Variants in IDE observed in about 807,000 individuals in gnomAD.
IDE encodes the protein insulin-degrading enzyme.
IDE carries 58 observed loss-of-function variants against 133.2 expected under a neutral mutation model. The observed-to-expected ratio is 0.44, with a 90% CI of 0.35 to 0.54. IDE has a LOEUF of 0.54. IDE is among the 20% of genes least tolerant of loss of function. The pLI, the probability that IDE is intolerant of heterozygous loss-of-function variation, is 0.00. For missense variants in IDE, 981 were observed against 1,234.0 expected (o/e 0.79, Z 3.07); for synonymous variants, 396 against 421.3 (o/e 0.94, Z 0.73).
chr10:92,478,774 A>G, intron 15 of IDE: 1 of 1,241,172 alleles, frequency 8.1e-7, no homozygotes, highest in Non-Finnish European at 1.0e-6. Context: ...GGAGAGGATC[A>G]GCATAAATGT....
rs769365575 is a variant in IDE, at chr10:92,508,741, T to C, written c.1047A>G (p.Glu349=). 3.1e-6 allele frequency: 5 copies of C among 1,614,040 alleles called. No homozygotes were observed. Among genetic ancestry groups the C allele is most frequent in the Non-Finnish European group, 4.2e-6 (5 of 1,179,950 alleles). The change falls in exon 7 of 25, where the codon GAA becomes GAG. Residue 349 remains glutamate, a synonymous_variant. Coordinates refer to ENST00000265986, the MANE Select transcript of IDE (RefSeq NM_004969.4). ...GHEGPGSLLS[E]LKSKGWVNTL... The stretch of plus-strand genomic sequence containing the variant: ...CAGGAGACTTACCCTTTGACTTAAG[T>C]TCTGATAACAGACTTCCAGGACCTT...
At chr10:92,481,384 G>T (rs1223586849) in intron 14 of IDE, among the ~76,000 whole-genome samples, 3 of 152,158 alleles carry the variant, frequency 2.0e-5, no homozygotes, top group Non-Finnish European at 4.4e-5. Context: ...TGAGGCTGCA[G>T]TAACTGCACT....
intron 16 of IDE, 87 bp from the exon 17 acceptor site, chr10:92,475,048 T>G: frequency 3.0e-5 from 29 of 973,050 alleles, no homozygotes; most frequent in Non-Finnish European, 4.0e-5. Context: ...TTCAATTCTC[T>G]ATAAACTGTA....
chr10:92,464,166 A>C (rs1158043722), intron 20 of IDE, among the ~76,000 whole-genome samples, 163 bp from the exon 21 acceptor site: 1 of 152,204 alleles, frequency 6.6e-6, no homozygotes, highest in Non-Finnish European at 1.5e-5. Flanking sequence ...TCAGTTCCTA[A>C]GGACAGAGCA....
intron 3 of IDE, among the ~76,000 whole-genome samples, chr10:92,533,295 T>C (rs1489763285): frequency 2.0e-5 from 3 of 152,294 alleles, no homozygotes; most frequent in Admixed American, 2.0e-4. Flanking sequence ...AGGGAACTAA[T>C]TAATGGAAGT....
chr10:92,506,526 A>G lies in IDE; in HGVS notation c.1246-4T>C. The G allele has an allele frequency of 1.3e-6, 2 of 1,518,590 alleles. No homozygotes were observed. The highest frequency in any genetic ancestry group is 1.8e-6 in the Non-Finnish European group (2 of 1,096,532). 94.1% of individuals were successfully genotyped at this position (1,518,590 alleles called of 1,614,324 possible). A position where few individuals can be genotyped will look rare whatever the true frequency, so the allele number is the denominator to read the frequency against. ...TAAAAGCAACAGCATTCAAGTCCTA[A>G]AATAGAAAGTTAATCCAATTAGATA... On this transcript the variant is annotated splice_polypyrimidine_tract_variant and splice_region_variant and intron_variant, in intron 9 of 24. Coordinates refer to ENST00000265986, the MANE Select transcript of IDE (RefSeq NM_004969.4).
rs979689728 is a variant in IDE at position 92,455,447 on chromosome 10, C to G, written c.2964+129G>C. Reference sequence around the variant, plus strand: ...GCTGAGCTGAGATCGCACCACTGCACTCCAGCCTGGGTGACTGAGTGAGAC... The same window carrying G: ...GCTGAGCTGAGATCGCACCACTGCAGTCCAGCCTGGGTGACTGAGTGAGAC... On this transcript the variant is annotated intron_variant, in intron 24 of 24. Transcript: ENST00000265986. The G allele has an allele frequency of 4.6e-6, 3 of 645,642 alleles. No individual in the cohort carries two copies. In the African/African-American group the frequency reaches 5.5e-5, roughly 12 times the overall value. 40.0% of individuals were successfully genotyped at this position (645,642 alleles called of 1,614,324 possible). A position where few individuals can be genotyped will look rare whatever the true frequency, so the allele number is the denominator to read the frequency against.
At chr10:92,460,266 A>T (rs1335972368) in intron 22 of IDE, among the ~76,000 whole-genome samples, 1 of 152,192 alleles carries the variant, frequency 6.6e-6, no homozygotes, top group Non-Finnish European at 1.5e-5. Context: ...AAAGGTGAGT[A>T]ATCATTTATT....
At chr10:92,517,766 C>G (rs1849004052) in intron 4 of IDE, among the ~76,000 whole-genome samples, 1 of 151,860 alleles carries the variant, frequency 6.6e-6, no homozygotes, top group African/African-American at 2.4e-5. Context: ...AGTTCAAGAC[C>G]AGCCTGGCAA....
chr10:92,475,547 A>G (rs965112780), intron 16 of IDE, among the ~76,000 whole-genome samples: 45 of 152,138 alleles, frequency 3.0e-4, no homozygotes, highest in Middle Eastern at 3.2e-3. Context: ...CAGTCTGCTG[A>G]ATTGCGTGTT....
intron 1 of IDE, among the ~76,000 whole-genome samples, chr10:92,554,533 G>GC (rs1379182546): frequency 8.4e-6 from 1 of 119,734 alleles, no homozygotes; most frequent in Non-Finnish European, 1.6e-5. Context: ...TGACAAGAAT[G>GC]CAACAGTGTC....
At chr10:92,567,190 G>T (rs1479853312) in intron 1 of IDE, among the ~76,000 whole-genome samples, 8 of 152,274 alleles carry the variant, frequency 5.3e-5, no homozygotes, top group Non-Finnish European at 1.0e-4. Flanking sequence ...GCAGTGGTTC[G>T]TTCTCTTGGT....
chr10:92,504,353 CAGG>C (rs1160751763), intron 11 of IDE, among the ~76,000 whole-genome samples: 3 of 152,042 alleles, frequency 2.0e-5, no homozygotes, highest in Non-Finnish European at 4.4e-5. Context: ...ACTGGTCAAT[CAGG>C]AGGATTCTGA....
At position 92,509,128 on chromosome 10, in the gene IDE, T is replaced by A. The variant is rs117455203; in HGVS notation, c.898-238A>T. ...CCTGAACCATGCAGCTAAATATTAATGGTTTTGAATGCTTATCTTCAGGTA... is the reference window on the plus strand; with the variant it reads ...CCTGAACCATGCAGCTAAATATTAAAGGTTTTGAATGCTTATCTTCAGGTA... On this transcript the variant is annotated intron_variant, in intron 6 of 24. Coordinates refer to ENST00000265986, the MANE Select transcript of IDE (RefSeq NM_004969.4). Among the ~76,000 whole-genome samples the A allele has an allele frequency of 3.7e-4, 57 of 152,338 alleles. 1 individual carries two copies. In the East Asian group the frequency reaches 0.011, roughly 29 times the overall value.
intron 11 of IDE, among the ~76,000 whole-genome samples, chr10:92,500,019 C>T (rs1013079296): frequency 3.3e-5 from 5 of 152,010 alleles, no homozygotes; most frequent in Non-Finnish European, 5.9e-5. Context: ...ACTGACTGGC[C>T]GGGTGCAGTG....
At chr10:92,546,146 AAG>A in intron 1 of IDE, among the ~76,000 whole-genome samples, 2 of 152,210 alleles carry the variant, frequency 1.3e-5, no homozygotes, top group South Asian at 4.1e-4. Context: ...CTAGACACAA[AAG>A]AGTAAATACT....
intron 22 of IDE, among the ~76,000 whole-genome samples, 200 bp from the exon 23 acceptor site, chr10:92,456,631 G>A (rs1845023652): frequency 6.6e-6 from 1 of 151,982 alleles, no homozygotes; most frequent in South Asian, 2.1e-4. Context: ...TTGAGGTCAG[G>A]AGTTCGAGAC....
At chr10:92,470,214 C>T in intron 18 of IDE, 40 bp downstream of exon 18, 1 of 1,325,172 alleles carries the variant, frequency 7.5e-7, no homozygotes, top group Non-Finnish European at 1.1e-6. Context: ...AAATATCTTG[C>T]AATGATCCAC....
chr10:92,526,444 T>A (rs1849627043), intron 4 of IDE, among the ~76,000 whole-genome samples: 1 of 152,152 alleles, frequency 6.6e-6, no homozygotes, highest in Admixed American at 6.6e-5. Flanking sequence ...CAGCTACCAA[T>A]CAGGTATTAT....
Sources: gnomAD v4.1 joint callset for allele counts (sites outside exome capture counted in the v4.1 genomes callset) on GRCh38, gnomAD v4.1.1 for gene constraint, MANE v1.5 for transcripts, NCBI Gene and HGNC (gene_info 2026-07-23, HGNC 2026-07-21) for gene names.